Variants in FBXL17 observed in about 807,000 individuals in gnomAD.
The protein encoded by FBXL17 is F-box and leucine rich repeat protein 17, also known as F-box/LRR-repeat protein 17.
Under a neutral mutation model 66.2 loss-of-function variants are expected in FBXL17, and 22 were observed. The ratio of observed to expected loss-of-function variants is 0.33; its 90% CI spans 0.24 to 0.47. The LOEUF (loss-of-function observed/expected upper bound fraction) is 0.47. FBXL17 is among the 20% of genes least tolerant of loss of function. The probability of loss-of-function intolerance (pLI) is 1.00; values close to 1 mark genes in which losing one functional copy is unlikely to be tolerated. For missense variants in FBXL17, 878 were observed against 948.2 expected, an observed-to-expected ratio of 0.93 and a Z score of 0.97; for synonymous variants, 474 against 400.5, an observed-to-expected ratio of 1.18 and a Z score of -2.19.
rs540951638 is a variant in FBXL17 at position 108,236,043 on chromosome 5, C to G, written c.1507-11815G>C. ...GCAATACTTTGATTCTTCAATATGT[C>G]TGAAGTGAACTGAAAAACCAATGTG... On this transcript the variant is annotated intron_variant, in intron 4 of 8. Coordinates refer to ENST00000542267, the MANE Select transcript of FBXL17 (RefSeq NM_001163315.3). Among the ~76,000 whole-genome samples, 22 of 152,268 alleles carry G rather than the reference C, an allele frequency of 1.4e-4. No homozygotes were observed. The East Asian group carries it at 3.9e-3, about 27-fold the overall frequency.
intron 6 of FBXL17, among the ~76,000 whole-genome samples, chr5:108,089,520 C>A (rs1394638779): frequency 6.6e-6 from 1 of 152,184 alleles, no homozygotes; most frequent in African/African-American, 2.4e-5. Flanking sequence ...ATCTCTACCT[C>A]CTCAGGGAAG....
At chr5:108,317,018 T>C (rs1264208495) in intron 4 of FBXL17, among the ~76,000 whole-genome samples, 1 of 151,338 alleles carries the variant, frequency 6.6e-6, no homozygotes, top group Non-Finnish European at 1.5e-5. Context: ...AATTTCAAAG[T>C]CTATTCATGT....
At chr5:108,260,779 G>A (rs921016377) in intron 4 of FBXL17, among the ~76,000 whole-genome samples, 1 of 152,040 alleles carries the variant, frequency 6.6e-6, no homozygotes, top group African/African-American at 2.4e-5. Flanking sequence ...CTACAGCCAG[G>A]ACCAAGAAAG....
intron 4 of FBXL17, among the ~76,000 whole-genome samples, chr5:108,288,726 G>C (rs996612664): frequency 6.6e-6 from 1 of 151,742 alleles, no homozygotes; most frequent in Non-Finnish European, 1.5e-5. Flanking sequence ...AATTTGTGTG[G>C]GGGTAATACA....
intron 8 of FBXL17, among the ~76,000 whole-genome samples, chr5:107,868,922 G>A (rs1748364060): frequency 6.8e-6 from 1 of 148,028 alleles, no homozygotes; most frequent in African/African-American, 2.6e-5. Flanking sequence ...TGTAAGCTAT[G>A]CAATGTTTCT....
chr5:107,943,039 C>T (rs1324978351), intron 7 of FBXL17, among the ~76,000 whole-genome samples: 3 of 152,134 alleles, frequency 2.0e-5, no homozygotes, highest in African/African-American at 4.8e-5. Flanking sequence ...TGCTCCTTGC[C>T]CTGCCTCTCT....
At chr5:108,352,482 A>C (rs1747714025) in intron 3 of FBXL17, among the ~76,000 whole-genome samples, 1 of 152,158 alleles carries the variant, frequency 6.6e-6, no homozygotes, top group Non-Finnish European at 1.5e-5. Context: ...CTATCTAAAA[A>C]CCATAGAAAT....
At chr5:108,089,302 T>C (rs1367813837) in intron 6 of FBXL17, among the ~76,000 whole-genome samples, 1 of 152,208 alleles carries the variant, frequency 6.6e-6, no homozygotes, top group African/African-American at 2.4e-5. Flanking sequence ...TTAATATGGC[T>C]ACAAGGCCAG....
intron 6 of FBXL17, among the ~76,000 whole-genome samples, chr5:108,138,440 T>C (rs1264996873): frequency 6.6e-6 from 1 of 152,162 alleles, no homozygotes; most frequent in Non-Finnish European, 1.5e-5. Context: ...TGTGTAGATA[T>C]CATACGTTTT....
At chr5:108,074,978 T>C (rs906542446) in intron 6 of FBXL17, among the ~76,000 whole-genome samples, 6 of 152,228 alleles carry the variant, frequency 3.9e-5, no homozygotes, top group African/African-American at 1.4e-4. Flanking sequence ...GCAAATTTCA[T>C]TGTGAAAGGA....
chr5:107,925,397 T>C (rs138180338), intron 7 of FBXL17, among the ~76,000 whole-genome samples: 18 of 152,308 alleles, frequency 1.2e-4, no homozygotes, highest in Middle Eastern at 3.4e-3. Context: ...GATGCTATCA[T>C]TGCCCTCCCA....
intron 4 of FBXL17, among the ~76,000 whole-genome samples, chr5:108,293,101 A>AAC (rs1561511130): frequency 6.6e-6 from 1 of 151,546 alleles, no homozygotes; most frequent in African/African-American, 2.4e-5. Context: ...AAAAAAACAA[A>AAC]AAAAAAAAAA....
chr5:107,987,682 T>G lies in FBXL17; in HGVS notation c.1822+33243A>C, dbSNP rs368659310. Among the ~76,000 whole-genome samples the G allele has an allele frequency of 1.1e-4, 16 of 152,192 alleles. No homozygotes were observed. The East Asian group carries it at 2.5e-3, about 24-fold the overall frequency. On this transcript the variant is annotated intron_variant, in intron 7 of 8. Coordinates refer to ENST00000542267, the MANE Select transcript of FBXL17 (RefSeq NM_001163315.3). The stretch of plus-strand genomic sequence containing the variant: ...TACTATTTTTAATCGATGTTTATAA[T>G]AAAGATATTCAAAACCAAGAAATCT...
chr5:108,312,138 C>T (rs1759149724), intron 4 of FBXL17, among the ~76,000 whole-genome samples: 1 of 151,998 alleles, frequency 6.6e-6, no homozygotes. Flanking sequence ...TAATACATAC[C>T]ACCAGCATCA....
chr5:108,042,534 A>G (rs1407543924), intron 6 of FBXL17, among the ~76,000 whole-genome samples: 1 of 152,224 alleles, frequency 6.6e-6, no homozygotes, highest in Non-Finnish European at 1.5e-5. Context: ...TTGGGGAGAC[A>G]GACTTTTTAA....
chr5:108,154,032 C>T (rs574336896), intron 6 of FBXL17, among the ~76,000 whole-genome samples: 1 of 151,980 alleles, frequency 6.6e-6, no homozygotes. Flanking sequence ...CTCAAATCTG[C>T]CAACAAATAG....
chr5:108,034,287 T>C (rs150838281), intron 6 of FBXL17, among the ~76,000 whole-genome samples: 224 of 152,308 alleles, frequency 1.5e-3, no homozygotes, highest in South Asian at 0.013. Flanking sequence ...CCCCAAACTG[T>C]CATCCTTGTT....
chr5:107,926,850 T>A (rs1750539701), intron 7 of FBXL17, among the ~76,000 whole-genome samples: 1 of 152,172 alleles, frequency 6.6e-6, no homozygotes, highest in Non-Finnish European at 1.5e-5. Context: ...CTCCAGTAAG[T>A]TATGATTTTG....
At chr5:108,270,968 CCTT>C (rs1757243815) in intron 4 of FBXL17, among the ~76,000 whole-genome samples, 1 of 152,052 alleles carries the variant, frequency 6.6e-6, no homozygotes, top group Admixed American at 6.5e-5. Flanking sequence ...TTCCCCCTCT[CCTT>C]CTCCACATTC....
Sources: gnomAD v4.1 joint callset for allele counts (sites outside exome capture counted in the v4.1 genomes callset) on GRCh38, gnomAD v4.1.1 for gene constraint, MANE v1.5 for transcripts, NCBI Gene and HGNC (gene_info 2026-07-23, HGNC 2026-07-21) for gene names.